Variants in MGAT5B observed in about 807,000 individuals in gnomAD.
MGAT5B encodes the protein alpha-1,6-mannosylglycoprotein 6-beta-N-acetylglucosaminyltransferase B, also known as N-acetylglucosaminyl-transferase Vb.
MGAT5B carries 54 observed loss-of-function variants against 95.1 expected under a neutral mutation model. The observed-to-expected ratio is 0.57, with a 90% CI of 0.46 to 0.71. The LOEUF (loss-of-function observed/expected upper bound fraction) is 0.71. Among genes scored for constraint, MGAT5B ranks in the 30% least tolerant of loss-of-function variants. The pLI is 0.00. For missense variants in MGAT5B, 935 were observed against 1,088.6 expected, an observed-to-expected ratio of 0.86 and a Z score of 1.99; for synonymous variants, 464 against 451.0, an observed-to-expected ratio of 1.03 and a Z score of -0.36.
At chr17:76,890,757 C>T (rs1469077479) in intron 3 of MGAT5B, among the ~76,000 whole-genome samples, 3 of 152,148 alleles carry the variant, frequency 2.0e-5, no homozygotes, top group Non-Finnish European at 2.9e-5. Context: ...GCCACCTCAG[C>T]CTCCCAGAGT....
intron 15 of MGAT5B, among the ~76,000 whole-genome samples, chr17:76,945,690 G>A (rs1014702725): frequency 6.6e-6 from 1 of 152,180 alleles, no homozygotes; most frequent in Non-Finnish European, 1.5e-5. Context: ...CCGCTGACTG[G>A]GAGATGCCCC....
At chr17:76,897,686 TTTC>T (rs1968121786) in intron 3 of MGAT5B, among the ~76,000 whole-genome samples, 1 of 106,902 alleles carries the variant, frequency 9.4e-6, no homozygotes, top group South Asian at 3.3e-4. Flanking sequence ...TCTTTCTTTC[TTTC>T]TTTCTTTCTT....
intron 8 of MGAT5B, among the ~76,000 whole-genome samples, chr17:76,909,970 G>A (rs1195791757): frequency 6.6e-6 from 1 of 152,204 alleles, no homozygotes; most frequent in African/African-American, 2.4e-5. Flanking sequence ...TAAAGAGGCA[G>A]CTACACGCCT....
chr17:76,902,487 TG>T, intron 3 of MGAT5B, 67 bp from the exon 4 acceptor site: 2 of 1,218,398 alleles, frequency 1.6e-6, no homozygotes, highest in Non-Finnish European at 2.3e-6. Flanking sequence ...TGGGCCTTAC[TG>T]GCAGGACCCT....
At position 76,918,319 on chromosome 17, in the gene MGAT5B, A is replaced by G. The variant is rs888843776; in HGVS notation, c.1026-6647A>G. On this transcript the variant is annotated intron_variant, in intron 8 of 17. Transcript: ENST00000569840. The surrounding 1 kb of genome is among the most constrained non-coding windows in gnomAD (Gnocchi z 5.1). ...CTTTTCCTCTGAGCCAGGGACCCTG[A>G]GGGGGCCTGGCAGTTCTCAGCTGTA... Among the ~76,000 whole-genome samples the G allele has an allele frequency of 3.9e-5, 6 of 152,018 alleles. No individual in the cohort carries two copies. Among genetic ancestry groups the G allele is most frequent in the Non-Finnish European group, 5.9e-5 (4 of 67,986 alleles).
chr17:76,940,398 G>T lies in MGAT5B; in HGVS notation c.1585-4G>T. ...CCTGATCACTGCGCCCCTTGACTCT[G>T]CAGCTCTTCATCGGGTTTGGCTTCC... On this transcript the variant is annotated splice_polypyrimidine_tract_variant and splice_region_variant and intron_variant, in intron 13 of 17. Coordinates refer to ENST00000569840, the MANE Select transcript of MGAT5B (RefSeq NM_001199172.2). This position sits in a 1 kb window ranked among gnomAD's most constrained non-coding sequence, Gnocchi z 4.3. The T allele has an allele frequency of 1.9e-6, 3 of 1,597,286 alleles. No homozygotes were observed. Among genetic ancestry groups the T allele is most frequent in the South Asian group, 2.3e-5 (2 of 88,164 alleles).
Position 76,940,715 on chromosome 17 carries a change from C to T in MGAT5B, c.1732-17C>T. The T allele has an allele frequency of 6.2e-7, 1 of 1,613,216 alleles. No individual in the cohort carries two copies. Among genetic ancestry groups the T allele is most frequent in the Non-Finnish European group, 8.5e-7 (1 of 1,179,332 alleles). ...GGCAGGCACGGGGGGCATCTGCAAT[C>T]TCTGTACCCTTGCCAGGTGTTCTCC... On this transcript the variant is annotated splice_polypyrimidine_tract_variant and intron_variant, in intron 14 of 17. Transcript: ENST00000569840. This position sits in a 1 kb window ranked among gnomAD's most constrained non-coding sequence, Gnocchi z 4.3.
chr17:76,878,824 C>A (rs1967296383), intron 2 of MGAT5B, among the ~76,000 whole-genome samples: 1 of 152,176 alleles, frequency 6.6e-6, no homozygotes, highest in Admixed American at 6.5e-5. Flanking sequence ...TTTCTCTAAT[C>A]TCCGGAGGCA....
chr17:76,948,697 C>T lies in MGAT5B; in HGVS notation c.2238C>T (p.Phe746=), dbSNP rs761808361. ...ESEMNHLYPA[F]AQPGQECYLQ... ...AGATGAACCACCTGTACCCGGCGTTCGCCCAGCCTGGCCAGGAGTGCTACC... is the reference window on the plus strand; with the variant it reads ...AGATGAACCACCTGTACCCGGCGTTTGCCCAGCCTGGCCAGGAGTGCTACC... Residue 746 remains phenylalanine (F), a synonymous_variant, in exon 18 of 18, where the codon TTC becomes TTT. Transcript: ENST00000569840. 9.3e-6 allele frequency: 15 copies of T among 1,613,452 alleles called. No homozygotes were observed. In the Middle Eastern group the frequency reaches 5.0e-4, roughly 53 times the overall value.
chr17:76,928,500 C>T (rs572591622), intron 10 of MGAT5B, among the ~76,000 whole-genome samples: 514 of 151,896 alleles, frequency 3.4e-3, no homozygotes, highest in Middle Eastern at 6.8e-3. Context: ...AGGTCAGAAG[C>T]TCGAGACCAG....
intron 9 of MGAT5B, 28 bp downstream of exon 9, chr17:76,925,125 G>C (rs201901190): frequency 2.5e-6 from 4 of 1,609,440 alleles, no homozygotes; most frequent in Middle Eastern, 1.7e-4. Context: ...GGGTGGGCAC[G>C]TGGCCCACAT....
chr17:76,881,075 T>C (rs1967393590), intron 2 of MGAT5B, among the ~76,000 whole-genome samples: 1 of 152,126 alleles, frequency 6.6e-6, no homozygotes, highest in Non-Finnish European at 1.5e-5. Flanking sequence ...TTGCGGATTT[T>C]AGTGCCTGGA....
intron 12 of MGAT5B, among the ~76,000 whole-genome samples, chr17:76,934,449 G>T (rs1162500168): frequency 6.6e-6 from 1 of 152,170 alleles, no homozygotes; most frequent in Admixed American, 6.5e-5. Flanking sequence ...CAGAGAGAAG[G>T]CTTGAAAGCA....
Position 76,949,043 on chromosome 17 carries a change from GCA to G in MGAT5B, c.*206_*207del. 1 of 626,130 alleles carries G rather than the reference GCA, an allele frequency of 1.6e-6. No individual in the cohort carries two copies. Among genetic ancestry groups the G allele is most frequent in the Non-Finnish European group, 2.7e-6 (1 of 372,188 alleles). The allele number at this position is 626,130 out of a possible 1,614,324, so 38.8% of individuals were successfully genotyped here. A position where few individuals can be genotyped will look rare whatever the true frequency, so the allele number is the denominator to read the frequency against. ...ATGCCGAGCCCCTGGGACCTCCCAG[GCA>G]GGCTCCGGTTCTCTCCTGGGGACTC... On this transcript the variant is annotated 3_prime_UTR_variant, in exon 18 of 18. Transcript: ENST00000569840.
At chr17:76,899,319 G>T (rs1156670475) in intron 3 of MGAT5B, among the ~76,000 whole-genome samples, 1 of 152,154 alleles carries the variant, frequency 6.6e-6, no homozygotes, top group African/African-American at 2.4e-5. Context: ...CAGCAGTGGA[G>T]GTTTCCCTGC....
Position 76,906,231 on chromosome 17 carries a change from G to A in MGAT5B, c.1025+44G>A, listed in dbSNP as rs765387838. ...CACTGGCATTAAGTGGGGCAGGGAG[G>A]GGATGAAGGGGAACCCCACCCCTCC... On this transcript the variant is annotated intron_variant, in intron 8 of 17. Transcript: ENST00000569840. This position sits in a 1 kb window ranked among gnomAD's most constrained non-coding sequence, Gnocchi z 4.6. 14 of 1,544,098 alleles carry A rather than the reference G, an allele frequency of 9.1e-6. No individual in the cohort carries two copies. The highest frequency in any genetic ancestry group is 5.7e-5 in the African/African-American group (4 of 70,404).
In MGAT5B at chr17:76,906,115, C is replaced by T. The variant is rs1968518687; in HGVS notation, c.953C>T (p.Ala318Val). ...GGPLGEMVQW[A>V]DILTALYVLG... The stretch of plus-strand genomic sequence containing the variant: ...CCCCTAGGGGAGATGGTGCAGTGGG[C>T]GGACATTCTGACTGCACTCTATGTC... The change falls in exon 8 of 18, where the codon GCG becomes GTG. Residue 318 changes from alanine to valine, a missense_variant. By Grantham distance (64) the Ala-to-Val change is moderately conservative. Transcript: ENST00000569840. The surrounding 1 kb of genome is among the most constrained non-coding windows in gnomAD (Gnocchi z 4.6). 8 of 1,606,986 alleles carry T rather than the reference C, an allele frequency of 5.0e-6. No homozygotes were observed. The highest frequency in any genetic ancestry group is 2.3e-5 in the East Asian group (1 of 44,016).
intron 3 of MGAT5B, among the ~76,000 whole-genome samples, chr17:76,900,072 C>T (rs1342808461): frequency 1.3e-5 from 2 of 152,108 alleles, no homozygotes; most frequent in East Asian, 3.9e-4. Flanking sequence ...ATGGTAGCTG[C>T]CCTTATGTCT....
intron 2 of MGAT5B, among the ~76,000 whole-genome samples, chr17:76,873,425 G>A (rs1967075277): frequency 2.0e-5 from 3 of 152,208 alleles, no homozygotes; most frequent in Admixed American, 6.5e-5. Flanking sequence ...TTGCCCACAC[G>A]ATATTTGCAA....
Sources: gnomAD v4.1 joint callset for allele counts (sites outside exome capture counted in the v4.1 genomes callset) on GRCh38, gnomAD v4.1.1 for gene constraint, Gnocchi (gnomAD v3.1) non-coding constraint, MANE v1.5 for transcripts, NCBI Gene and HGNC (gene_info 2026-07-23, HGNC 2026-07-21) for gene names.